Variants in ADAM23 observed in about 807,000 individuals in gnomAD.
ADAM23 encodes the protein disintegrin and metalloproteinase domain-containing protein 23.
Under a neutral mutation model 120.1 loss-of-function variants are expected in ADAM23, and 33 were observed. The ratio of observed to expected loss-of-function variants is 0.27; its 90% CI spans 0.21 to 0.37. The LOEUF (loss-of-function observed/expected upper bound fraction) is 0.37. Ranked by LOEUF, ADAM23 falls within the 10% of genes least tolerant of loss-of-function variation. The pLI is 1.00. For missense variants in ADAM23, 862 were observed against 1,058.2 expected (o/e 0.81, Z 2.57); for synonymous variants, 367 against 375.2 (o/e 0.98, Z 0.25).
chr2:206,552,652 G>GTAT (rs1243960470), intron 9 of ADAM23, among the ~76,000 whole-genome samples: 3 of 151,608 alleles, frequency 2.0e-5, no homozygotes, highest in Admixed American at 6.6e-5. Context: ...ATTGTTGTTA[G>GTAT]TATTATTATT....
intron 24 of ADAM23, among the ~76,000 whole-genome samples, chr2:206,600,977 A>T (rs1458230786): frequency 6.6e-6 from 1 of 152,168 alleles, no homozygotes; most frequent in Non-Finnish European, 1.5e-5. Context: ...CCTTCTCTCA[A>T]CTTGTTTCCA....
At chr2:206,479,384 A>G (rs183436928) in intron 2 of ADAM23, among the ~76,000 whole-genome samples, 42 of 152,278 alleles carry the variant, frequency 2.8e-4, no homozygotes, top group African/African-American at 9.1e-4. Flanking sequence ...TATATTTATC[A>G]GCTCTTTTAG....
intron 2 of ADAM23, among the ~76,000 whole-genome samples, chr2:206,480,085 C>T (rs1574489154): frequency 3.9e-5 from 6 of 152,060 alleles, no homozygotes; most frequent in Admixed American, 3.3e-4. Context: ...GAGCTTACCA[C>T]CCAGGGGAGG....
At chr2:206,585,050 G>T (rs1029707196) in intron 18 of ADAM23, among the ~76,000 whole-genome samples, 10 of 152,142 alleles carry the variant, frequency 6.6e-5, no homozygotes, top group African/African-American at 2.4e-4. Flanking sequence ...CACAATTGGG[G>T]CACTCACAGT....
intron 18 of ADAM23, among the ~76,000 whole-genome samples, chr2:206,586,832 T>C (rs1413588536): frequency 6.6e-6 from 1 of 152,186 alleles, no homozygotes; most frequent in Non-Finnish European, 1.5e-5. Flanking sequence ...GAACTATTAA[T>C]ATAATGGAGA....
At chr2:206,601,628 G>T (rs1385152150) in intron 24 of ADAM23, among the ~76,000 whole-genome samples, 1 of 151,978 alleles carries the variant, frequency 6.6e-6, no homozygotes, top group Non-Finnish European at 1.5e-5. Context: ...AAAAAAATTA[G>T]CCAGTTGTGG....
chr2:206,613,033 T>C (rs1403455834), intron 25 of ADAM23, among the ~76,000 whole-genome samples: 1 of 152,182 alleles, frequency 6.6e-6, no homozygotes, highest in African/African-American at 2.4e-5. Flanking sequence ...TATTGTGTAA[T>C]GTTATGGGTA....
rs528277567 is a variant in ADAM23, at chr2:206,530,824, T to C, written c.510-61T>C. The C allele has an allele frequency of 2.0e-5, 29 of 1,483,478 alleles. No homozygotes were observed. In the South Asian group the frequency reaches 2.3e-4, roughly 12 times the overall value. 91.9% of individuals were successfully genotyped at this position (1,483,478 alleles called of 1,614,324 possible). A position where few individuals can be genotyped will look rare whatever the true frequency, so the allele number is the denominator to read the frequency against. On this transcript the variant is annotated intron_variant, in intron 3 of 25. Coordinates refer to ENST00000264377, the MANE Select transcript of ADAM23 (RefSeq NM_003812.4). ...CCCTCACGTTCATTTATTGAGCCGA[T>C]TGTTTTTAAACCTCCAAGTGTCTTA... is the stretch of plus-strand genomic sequence containing the variant.
intron 13 of ADAM23, 149 bp downstream of exon 13, chr2:206,562,442 C>T: frequency 1.6e-6 from 1 of 614,950 alleles, no homozygotes; most frequent in Non-Finnish European, 2.7e-6. Context: ...AAATAAGCAA[C>T]TTAAGGTAAT....
chr2:206,448,401 A>G (rs1157575279), intron 2 of ADAM23, among the ~76,000 whole-genome samples: 2 of 152,164 alleles, frequency 1.3e-5, no homozygotes, highest in East Asian at 3.9e-4. Flanking sequence ...GAAATGGAAA[A>G]ATTTAATTTT....
chr2:206,445,234 A>G, intron 1 of ADAM23, 73 bp from the exon 2 acceptor site: 1 of 1,096,580 alleles, frequency 9.1e-7, no homozygotes, highest in Non-Finnish European at 1.4e-6. Context: ...GTGCTTATGT[A>G]TTTATGGGGT....
intron 24 of ADAM23, among the ~76,000 whole-genome samples, chr2:206,606,079 C>T (rs937214143): frequency 9.8e-5 from 15 of 152,326 alleles, no homozygotes; most frequent in African/African-American, 3.4e-4. Context: ...CAATGTGGGG[C>T]ATAACATAAC....
chr2:206,537,489 G>A (rs956720281), intron 4 of ADAM23, among the ~76,000 whole-genome samples: 1 of 152,062 alleles, frequency 6.6e-6, no homozygotes, highest in Non-Finnish European at 1.5e-5. Flanking sequence ...TGGAGTCAGG[G>A]TATTTTCAGA....
At chr2:206,593,932 T>G (rs1698471672) in intron 22 of ADAM23, among the ~76,000 whole-genome samples, 1 of 151,542 alleles carries the variant, frequency 6.6e-6, no homozygotes, top group African/African-American at 2.4e-5. Flanking sequence ...TGGTAAGTAC[T>G]TGCCTATCTG....
chr2:206,557,880 G>C (rs16838344), intron 10 of ADAM23, among the ~76,000 whole-genome samples: 12 of 152,148 alleles, frequency 7.9e-5, no homozygotes, highest in Admixed American at 5.2e-4. Flanking sequence ...AGAAAAAATG[G>C]ATTGAAGCAG....
intron 2 of ADAM23, among the ~76,000 whole-genome samples, chr2:206,479,201 G>T (rs557395429): frequency 6.6e-6 from 1 of 152,144 alleles, no homozygotes; most frequent in South Asian, 2.1e-4. Context: ...ATCAAATTGT[G>T]TAACTCCTAC....
chr2:206,517,063 C>T (rs558878255), intron 3 of ADAM23, among the ~76,000 whole-genome samples: 1 of 152,190 alleles, frequency 6.6e-6, no homozygotes, highest in African/African-American at 2.4e-5. Flanking sequence ...AAAACACGCT[C>T]GTACACACAA....
At chr2:206,471,107 A>G (rs1384066114) in intron 2 of ADAM23, among the ~76,000 whole-genome samples, 2 of 152,152 alleles carry the variant, frequency 1.3e-5, no homozygotes, top group Non-Finnish European at 2.9e-5. Flanking sequence ...ATTTCAGGAG[A>G]AGAGAGCTCT....
At chr2:206,484,201 CAGGT>C (rs1281436263) in intron 3 of ADAM23, among the ~76,000 whole-genome samples, 1 of 152,034 alleles carries the variant, frequency 6.6e-6, no homozygotes, top group Non-Finnish European at 1.5e-5. Context: ...GATTGACTTG[CAGGT>C]GAGGGGATGG....
Sources: allele counts gnomAD v4.1 joint callset (sites outside exome capture counted in the v4.1 genomes callset), GRCh38; gene constraint gnomAD v4.1.1; transcripts MANE v1.5; gene names NCBI Gene and HGNC (gene_info 2026-07-23, HGNC 2026-07-21).